The following RRN3 variants were observed in gnomAD, a reference collection of about 807,000 sequenced individuals.
The protein encoded by RRN3 is RNA polymerase I-specific transcription initiation factor RRN3.
Under a neutral mutation model 82.3 loss-of-function variants are expected in RRN3, and 38 were observed. That is an observed-to-expected ratio of 0.46 (90% CI 0.36 to 0.61). The LOEUF (loss-of-function observed/expected upper bound fraction) is 0.61, where lower values mean the gene tolerates loss of function less well. Ranked by LOEUF, RRN3 falls within the 20% of genes least tolerant of loss-of-function variation. RRN3 has a pLI of 0.00. For missense variants in RRN3, 726 were observed against 793.1 expected, an observed-to-expected ratio of 0.92 and a Z score of 1.02; for synonymous variants, 284 against 284.3, an observed-to-expected ratio of 1.00 and a Z score of 0.01.
chr16:15,089,924 T>C (rs1052932959), intron 3 of RRN3, among the ~76,000 whole-genome samples: 1 of 150,132 alleles, frequency 6.7e-6, no homozygotes, highest in Non-Finnish European at 1.5e-5. Flanking sequence ...GTAAGTCCAC[T>C]GAGGCTGGGC....
At position 15,065,291 on chromosome 16, in the gene RRN3, C is replaced by A. The variant is rs1372872668; in HGVS notation, c.1634G>T (p.Gly545Val). The A allele has an allele frequency of 5.6e-6, 9 of 1,613,742 alleles. No individual in the cohort carries two copies. The highest frequency in any genetic ancestry group is 6.8e-6 in the Non-Finnish European group (8 of 1,179,832). ...QMLPVIRSTA[G>V]GDSVQICTNP... Reference sequence around the variant, plus strand: ...TGTGCAGATCTGCACTGAGTCTCCTCCAGCGGTACTCCTAATGACTGGCAG... The same window carrying A: ...TGTGCAGATCTGCACTGAGTCTCCTACAGCGGTACTCCTAATGACTGGCAG... The change falls in exon 16 of 18, where the codon GGA (glycine) becomes GTA (valine). Residue 545 changes from glycine (G) to valine (V), a missense_variant. By Grantham distance (109) the Gly-to-Val change is moderately radical (BLOSUM62 -3). Around this residue, in one of 4 missense-constraint regions of RRN3, gnomAD observed 166 missense variants for 154.8 expected, o/e 1.07. Transcript: ENST00000198767.
At chr16:15,069,108 A>G (rs1161523227) in intron 14 of RRN3, among the ~76,000 whole-genome samples, 1 of 152,242 alleles carries the variant, frequency 6.6e-6, no homozygotes, top group Non-Finnish European at 1.5e-5. Flanking sequence ...GTAAACATAT[A>G]TAATGCAACA....
chr16:15,064,772 G>T (rs1004543290), intron 16 of RRN3, among the ~76,000 whole-genome samples: 5 of 152,178 alleles, frequency 3.3e-5, no homozygotes, highest in African/African-American at 1.2e-4. Context: ...TGAAATATAC[G>T]CAGGGAGACC....
chr16:15,077,443 T>C (rs1322750557), intron 9 of RRN3, among the ~76,000 whole-genome samples: 1 of 152,100 alleles, frequency 6.6e-6, no homozygotes, highest in Admixed American at 6.6e-5. Flanking sequence ...TTTCCACTTT[T>C]ACATCTTCCT....
At chr16:15,070,473 T>C (rs2045175930) in intron 13 of RRN3, among the ~76,000 whole-genome samples, 1 of 151,700 alleles carries the variant, frequency 6.6e-6, no homozygotes, top group Non-Finnish European at 1.5e-5. Flanking sequence ...GCTCTGACCT[T>C]CTAGGAACAG....
intron 14 of RRN3, among the ~76,000 whole-genome samples, chr16:15,069,865 G>A (rs1400090775): frequency 6.6e-6 from 1 of 152,156 alleles, no homozygotes; most frequent in Non-Finnish European, 1.5e-5. Flanking sequence ...CATCTTAAGG[G>A]GTTTGTAGGG....
chr16:15,083,774 T>C lies in RRN3; in HGVS notation c.597-192A>G, dbSNP rs367601620. 3.4e-5 allele frequency: 21 copies of C among 612,024 alleles called. No homozygotes were observed. In the East Asian group the frequency reaches 7.6e-4, roughly 22 times the overall value. 37.9% of individuals were successfully genotyped at this position (612,024 alleles called of 1,614,324 possible). A position where few individuals can be genotyped will look rare whatever the true frequency, so the allele number is the denominator to read the frequency against. ...TCTTGTTGCCCAGGCTGGAGTGCAG[T>C]GGCGCAATCTCAGCTCACTGCAACC... On this transcript the variant is annotated intron_variant, in intron 7 of 17. Transcript: ENST00000198767.
chr16:15,073,226 G>T, intron 11 of RRN3, 146 bp from the exon 12 acceptor site: 1 of 895,914 alleles, frequency 1.1e-6, no homozygotes, highest in Admixed American at 2.8e-5. Flanking sequence ...AGCACTTTGG[G>T]AGGCCAAAGT....
intron 12 of RRN3, 120 bp downstream of exon 12, chr16:15,072,830 C>A: frequency 1.0e-6 from 1 of 979,150 alleles, no homozygotes; most frequent in Non-Finnish European, 1.5e-6. Flanking sequence ...AGCAGACTAG[C>A]AAGTAAGCTC....
chr16:15,080,164 A>C, intron 8 of RRN3, 68 bp from the exon 9 acceptor site: 1 of 1,501,420 alleles, frequency 6.7e-7, no homozygotes, highest in Admixed American at 2.7e-5. Flanking sequence ...TGTAAGCAAA[A>C]CATCAATTAC....
intron 17 of RRN3, among the ~76,000 whole-genome samples, chr16:15,062,606 T>A (rs1239285106): frequency 1.3e-5 from 2 of 152,202 alleles, no homozygotes; most frequent in Admixed American, 6.5e-5. Context: ...CACCCATTCA[T>A]GAAGATCTAT....
chr16:15,082,291 C>A (rs2045740424), intron 8 of RRN3, among the ~76,000 whole-genome samples: 1 of 152,108 alleles, frequency 6.6e-6, no homozygotes. Context: ...GTGTTTGTCA[C>A]ACACTTCTGC....
At chr16:15,068,417 A>G (rs2045072755) in intron 14 of RRN3, 140 bp from the exon 15 acceptor site, 1 of 1,100,646 alleles carries the variant, frequency 9.1e-7, no homozygotes, top group Non-Finnish European at 1.3e-6. Context: ...ATAAAGGTCC[A>G]TGCAGATAGT....
In RRN3 at chr16:15,074,737, A is replaced by G. The variant is rs770004827; in HGVS notation, c.983T>C (p.Val328Ala). Residue 328 changes from valine to alanine, a missense_variant, in exon 11 of 18, where the codon GTC (valine) becomes GCC (alanine). This residue lies in a region of RRN3 where 344 missense variants were observed against 394.5 expected (regional missense o/e 0.87). Transcript: ENST00000198767. ...CTGTGATTTACCATCTACATAGCAG[A>G]CATCCTTCATGTAGGACAAAACCAA... ...MSLVLSYMKD[V>A]CYVDGKVDNG... is the part of the protein sequence containing the mutation. The G allele has an allele frequency of 1.5e-5, 25 of 1,613,800 alleles. 1 individual carries two copies. The South Asian group carries it at 2.5e-4, about 16-fold the overall frequency.
chr16:15,083,032 C>A (rs187160775), intron 8 of RRN3, among the ~76,000 whole-genome samples: 3 of 152,308 alleles, frequency 2.0e-5, no homozygotes, highest in Non-Finnish European at 4.4e-5. Flanking sequence ...TCCCCAATAG[C>A]CGCTTTATAA....
chr16:15,090,020 C>A (rs575471923), intron 3 of RRN3, among the ~76,000 whole-genome samples: 3 of 151,642 alleles, frequency 2.0e-5, no homozygotes, highest in Admixed American at 2.0e-4. Context: ...ACCAGCCTGG[C>A]CAACATGGTG....
In RRN3 at chr16:15,086,378, A is replaced by G; in HGVS notation, c.329T>C (p.Ile110Thr). ...TGGTGAACTTACTAATATAATACTG[A>G]TAAGTTGCTCAAAGTCTTTTGTCAA... ...MYLTKDFEQL[I>T]SIILRLPWLN... Residue 110 changes from isoleucine (I) to threonine (T), a missense_variant, in exon 4 of 18, where the codon ATC (isoleucine) becomes ACC (threonine). Transcript: ENST00000198767. 1.9e-6 allele frequency: 3 copies of G among 1,613,748 alleles called. No individual in the cohort carries two copies. The highest frequency in any genetic ancestry group is 1.1e-5 in the South Asian group (1 of 91,036).
intron 14 of RRN3, among the ~76,000 whole-genome samples, chr16:15,069,610 TCA>T (rs2045136631): frequency 6.6e-6 from 1 of 152,204 alleles, no homozygotes; most frequent in South Asian, 2.1e-4. Flanking sequence ...AAACCTGGCT[TCA>T]GTTTTCTAAT....
At chr16:15,073,129 G>C (rs1567198583) in intron 11 of RRN3, 49 bp from the exon 12 acceptor site, 2 of 1,582,156 alleles carry the variant, frequency 1.3e-6, no homozygotes, top group Non-Finnish European at 8.6e-7. Flanking sequence ...ATATTTTCAA[G>C]TTTCATCTGC....
Sources: allele counts gnomAD v4.1 joint callset (sites outside exome capture counted in the v4.1 genomes callset), GRCh38; gene constraint gnomAD v4.1.1; regional missense constraint gnomAD v4.1.1; transcripts MANE v1.5; gene names NCBI Gene and HGNC (gene_info 2026-07-23, HGNC 2026-07-21).